Variants in GALNT9 observed in about 807,000 individuals in gnomAD.
GALNT9 encodes the protein polypeptide N-acetylgalactosaminyltransferase 9.
GALNT9 carries 47 observed loss-of-function variants against 63.1 expected under a neutral mutation model. That is an observed-to-expected ratio of 0.75 (90% confidence interval 0.59 to 0.95). The LOEUF (loss-of-function observed/expected upper bound fraction) is 0.95. GALNT9 is among the 40% of genes least tolerant of loss of function. The pLI is 0.00. For missense variants in GALNT9, 829 were observed against 874.8 expected (o/e 0.95, Z 0.66); for synonymous variants, 396 against 365.7 (o/e 1.08, Z -0.94).
intron 6 of GALNT9, among the ~76,000 whole-genome samples, chr12:132,216,209 GGAGA>G (rs557049330): frequency 1.3e-5 from 2 of 152,220 alleles, no homozygotes; most frequent in African/African-American, 4.8e-5. Context: ...AGACAGACAC[GGAGA>G]GAGAGACAAA....
chr12:132,205,233 A>C (rs1247394495), intron 6 of GALNT9: 1 of 152,036 alleles, frequency 6.6e-6, no homozygotes, highest in East Asian at 1.9e-4. Context: ...CTGTCAGCCC[A>C]GCCCACCCCA....
intron 6 of GALNT9, among the ~76,000 whole-genome samples, chr12:132,228,599 A>ACC (rs1213507284): frequency 9.9e-5 from 15 of 151,012 alleles, no homozygotes; most frequent in African/African-American, 2.7e-4. Flanking sequence ...TGCAAAAGCC[A>ACC]CCCCCCCGGC....
At chr12:132,288,032 G>C (rs1402813674) in intron 1 of GALNT9, among the ~76,000 whole-genome samples, 2 of 152,242 alleles carry the variant, frequency 1.3e-5, no homozygotes, top group African/African-American at 4.8e-5. Flanking sequence ...AGGAAGGCCA[G>C]TGGAAACACA....
intron 2 of GALNT9, chr12:132,277,419 G>A (rs73473507): frequency 0.064 from 9,970 of 154,932 alleles, 1,076 homozygotes; most frequent in African/African-American, 0.23. Context: ...TTGCATAGCC[G>A]GCCTCCAGCG....
At chr12:132,268,129 ACTCACG>A (rs1278415875) in intron 2 of GALNT9, among the ~76,000 whole-genome samples, 3 of 134,912 alleles carry the variant, frequency 2.2e-5, no homozygotes, top group Non-Finnish European at 3.0e-5. Flanking sequence ...CCACACACAC[ACTCACG>A]CTCACACACA....
chr12:132,288,988 C>G (rs1555242463), intron 1 of GALNT9, among the ~76,000 whole-genome samples: 1 of 152,204 alleles, frequency 6.6e-6, no homozygotes, highest in African/African-American at 2.4e-5. Context: ...TCAGCAGGAC[C>G]CTCTTTCTTA....
chr12:132,239,528 A>T (rs1878150324), intron 6 of GALNT9, among the ~76,000 whole-genome samples: 1 of 151,650 alleles, frequency 6.6e-6, no homozygotes, highest in Non-Finnish European at 1.5e-5. Flanking sequence ...AGAGACTGAG[A>T]TACAGAGAGA....
intron 2 of GALNT9, among the ~76,000 whole-genome samples, chr12:132,285,256 G>A (rs782449005): frequency 5.9e-5 from 9 of 152,248 alleles, no homozygotes; most frequent in African/African-American, 1.4e-4. Flanking sequence ...AGCCCTGAGC[G>A]CCCGGCTTCT....
In GALNT9 at chr12:132,329,081, C is replaced by G. The variant is rs782402117; in HGVS notation, c.123G>C (p.Val41=). The part of the protein sequence containing the change: ...QGRSQELVRI[V]SGDRRVRSRH... ...GGCTGCGCACCCGGCGGTCGCCGCT[C>G]ACGATGCGCACGAGCTCCTGGGAGC... The change falls in exon 1 of 11, where the codon GTG becomes GTC. Residue 41 remains valine (V), a synonymous_variant. Transcript: ENST00000328957. The G allele has an allele frequency of 6.5e-7, 1 of 1,548,262 alleles. No individual in the cohort carries two copies.
At chr12:132,240,505 A>G in intron 6 of GALNT9, 1 of 417,008 alleles carries the variant, frequency 2.4e-6, no homozygotes, top group Non-Finnish European at 4.7e-6. Flanking sequence ...GGCGGCACTC[A>G]CTCCAGTCGC....
intron 8 of GALNT9, chr12:132,200,835 G>C (rs1176389229): frequency 1.1e-5 from 5 of 435,114 alleles, no homozygotes; most frequent in Non-Finnish European, 2.1e-5. Flanking sequence ...CCTCTAGGGA[G>C]GTCCATGTGA....
intron 1 of GALNT9, among the ~76,000 whole-genome samples, chr12:132,320,422 C>T (rs1171161544): frequency 1.3e-5 from 2 of 152,264 alleles, no homozygotes; most frequent in African/African-American, 4.8e-5. Context: ...GTCGTCTCTA[C>T]AGAAGCTTGA....
chr12:132,213,385 CAT>C (rs1409904234), intron 6 of GALNT9, among the ~76,000 whole-genome samples: 3 of 152,138 alleles, frequency 2.0e-5, no homozygotes, highest in Admixed American at 6.5e-5. Flanking sequence ...CACACACACA[CAT>C]GAAAATGCAC....
At chr12:132,256,639 C>T (rs145123668) in intron 5 of GALNT9, among the ~76,000 whole-genome samples, 1,072 of 57,920 alleles carry the variant, frequency 0.019, 24 homozygotes, top group African/African-American at 0.072. Flanking sequence ...ACTGGGGGGA[C>T]GCTGGAGGGG....
At chr12:132,295,015 G>A (rs1329396860) in intron 1 of GALNT9, among the ~76,000 whole-genome samples, 2 of 152,334 alleles carry the variant, frequency 1.3e-5, no homozygotes, top group South Asian at 2.1e-4. Context: ...GTGTGGAGAC[G>A]CCCGGCCTGC....
In GALNT9 at chr12:132,282,420, T is replaced by C. The variant is rs113572055; in HGVS notation, c.419+3830A>G. ...GTGTGTGCGCGTGTGTGCGTGTGTGTGCGTGTGTGCGTGCATGCGTGTGTG... is the reference window on the plus strand; with the variant it reads ...GTGTGTGCGCGTGTGTGCGTGTGTGCGCGTGTGTGCGTGCATGCGTGTGTG... On this transcript the variant is annotated intron_variant, in intron 2 of 10. Coordinates refer to ENST00000328957, the MANE Select transcript of GALNT9 (RefSeq NM_001122636.2). This position sits in a 1 kb window ranked among gnomAD's most constrained non-coding sequence, Gnocchi z 4.5. Among the ~76,000 whole-genome samples, 5 of 151,130 alleles carry C rather than the reference T, an allele frequency of 3.3e-5. No individual in the cohort carries two copies. The highest frequency in any genetic ancestry group is 5.9e-5 in the Non-Finnish European group (4 of 67,762).
rs1565978726 is a variant in GALNT9, at chr12:132,197,164, CTG to C, written c.1753_1754del (p.Gln585GlufsTer71). On this transcript the variant is annotated frameshift_variant, in exon 11 of 11. Transcript: ENST00000328957. LOFTEE classifies it high-confidence loss of function. ...DANFGLRLVV[Q>X]RCSGQKWMIR... ...TCATCCACTTCTGCCCCGAGCACCT[CTG>C]TACCACCAGCCGGAGCCCAAAGTTG... The C allele has an allele frequency of 6.2e-7, 1 of 1,614,154 alleles. No homozygotes were observed. Among genetic ancestry groups the C allele is most frequent in the Admixed American group, 1.7e-5 (1 of 60,022 alleles).
At chr12:132,243,558 C>T (rs1020004549) in intron 6 of GALNT9, among the ~76,000 whole-genome samples, 2 of 152,186 alleles carry the variant, frequency 1.3e-5, no homozygotes, top group Non-Finnish European at 2.9e-5. Flanking sequence ...CCAGACACCA[C>T]GTCTCTTCGT....
intron 1 of GALNT9, among the ~76,000 whole-genome samples, chr12:132,321,186 G>A (rs1261094054): frequency 2.0e-5 from 3 of 151,094 alleles, no homozygotes; most frequent in Non-Finnish European, 3.0e-5. Context: ...GTCCGGAGTC[G>A]AGGCCCCTGT....
Sources: gnomAD v4.1 joint callset for allele counts (sites outside exome capture counted in the v4.1 genomes callset) on GRCh38, gnomAD v4.1.1 for gene constraint, Gnocchi (gnomAD v3.1) non-coding constraint, MANE v1.5 for transcripts, NCBI Gene and HGNC (gene_info 2026-07-23, HGNC 2026-07-21) for gene names.